The following PMM2 variants were observed in gnomAD, a reference collection of about 807,000 sequenced individuals.
PMM2 encodes phosphomannomutase 2.
PMM2 carries 35 observed loss-of-function variants against 33.2 expected under a neutral mutation model. That is an observed-to-expected ratio of 1.06 (90% CI 0.81 to 1.40). The LOEUF (loss-of-function observed/expected upper bound fraction) is 1.40. Among genes scored for constraint, PMM2 ranks in the 40% most tolerant of loss-of-function variants. PMM2 has a pLI of 0.00. For missense variants in PMM2, 386 were observed against 306.0 expected, an observed-to-expected ratio of 1.26 and a Z score of -1.95; for synonymous variants, 153 against 114.7, an observed-to-expected ratio of 1.33 and a Z score of -2.13.
chr16:8,805,422 C>T (rs1027195732), intron 3 of PMM2, among the ~76,000 whole-genome samples: 2 of 152,148 alleles, frequency 1.3e-5, no homozygotes, highest in South Asian at 2.1e-4. Context: ...GGCTGGAGTG[C>T]AGTGGTGCAA....
chr16:8,812,919 GT>G (rs2060685362), intron 6 of PMM2, 71 bp from the exon 7 acceptor site: 4 of 882,412 alleles, frequency 4.5e-6, no homozygotes, highest in African/African-American at 1.6e-5. Flanking sequence ...AGAGTAAATT[GT>G]TTTTTTCAGT....
chr16:8,839,813 A>C (rs2060877176), intron 7 of PMM2, among the ~76,000 whole-genome samples: 2 of 151,720 alleles, frequency 1.3e-5, no homozygotes, highest in South Asian at 2.1e-4. Flanking sequence ...GCCGAGAGAT[A>C]CATATAGGAG....
intron 7 of PMM2, among the ~76,000 whole-genome samples, chr16:8,836,470 C>T (rs1029683319): frequency 8.5e-5 from 13 of 152,084 alleles, no homozygotes; most frequent in South Asian, 4.2e-4. Context: ...ATTTCCAGCA[C>T]GTGTAGCAAG....
chr16:8,808,691 GAGA>G (rs568914033), intron 4 of PMM2: 3 of 152,244 alleles, frequency 2.0e-5, no homozygotes, highest in Non-Finnish European at 2.9e-5. Context: ...CCTTGGAAAT[GAGA>G]AGAAGAATAT....
At chr16:8,800,829 G>A (rs1366239956) in intron 1 of PMM2, among the ~76,000 whole-genome samples, 2 of 152,052 alleles carry the variant, frequency 1.3e-5, no homozygotes, top group South Asian at 2.1e-4. Flanking sequence ...GACTACAGGC[G>A]CCCACCAGCG....
chr16:8,844,527 G>C (rs1210576927), intron 7 of PMM2, among the ~76,000 whole-genome samples: 1 of 152,160 alleles, frequency 6.6e-6, no homozygotes, highest in African/African-American at 2.4e-5. Flanking sequence ...AAGGGGTAGA[G>C]ACACGGAAAG....
At chr16:8,847,654 C>T (rs997453915) in intron 7 of PMM2, 70 bp from the exon 8 acceptor site, 9 of 1,167,056 alleles carry the variant, frequency 7.7e-6, no homozygotes, top group Non-Finnish European at 1.2e-5. Flanking sequence ...CTTTTGGACT[C>T]CAGGGTCACA....
At chr16:8,831,599 C>T (rs1403762763) in intron 7 of PMM2, among the ~76,000 whole-genome samples, 1 of 152,214 alleles carries the variant, frequency 6.6e-6, no homozygotes, top group African/African-American at 2.4e-5. Context: ...GAGGCATCCA[C>T]ACAGCACACA....
At chr16:8,830,163 G>A (rs1017822319) in intron 7 of PMM2, among the ~76,000 whole-genome samples, 1 of 152,192 alleles carries the variant, frequency 6.6e-6, no homozygotes, top group Non-Finnish European at 1.5e-5. Context: ...GCCCCCAGTC[G>A]AAGAGAACTA....
At chr16:8,832,781 A>G in intron 7 of PMM2, 1 of 985,190 alleles carries the variant, frequency 1.0e-6, no homozygotes, top group African/African-American at 1.7e-5. Context: ...ACAATCTGTG[A>G]GGCCCGCTGT....
At chr16:8,811,773 G>C in intron 6 of PMM2, 60 bp downstream of exon 6, 1 of 1,120,466 alleles carries the variant, frequency 8.9e-7, no homozygotes, top group Non-Finnish European at 1.4e-6. Flanking sequence ...GTTTGTTGTG[G>C]GCCAGTGAGC....
intron 7 of PMM2, among the ~76,000 whole-genome samples, chr16:8,830,963 A>G (rs1043347221): frequency 6.6e-6 from 1 of 150,658 alleles, no homozygotes; most frequent in Non-Finnish European, 1.5e-5. Flanking sequence ...ACAGGGTGAA[A>G]CCCCGCCTCT....
intron 4 of PMM2, chr16:8,809,328 CTT>C (rs893372715): frequency 1.3e-5 from 2 of 152,238 alleles, no homozygotes; most frequent in Non-Finnish European, 2.9e-5. Context: ...CTGGAAGACA[CTT>C]TTCACTGCAT....
chr16:8,848,195 G>A lies in PMM2; in HGVS notation c.*370G>A, dbSNP rs1048111601. On this transcript the variant is annotated 3_prime_UTR_variant, in exon 8 of 8. Transcript: ENST00000268261. ...CTGGACCCTCCCTCTTGGTGGGTCT[G>A]TGGAAACATAAGCGGTTTTTTTAAT... 1 of 259,540 alleles carries A rather than the reference G, an allele frequency of 3.9e-6. No individual in the cohort carries two copies. Among genetic ancestry groups the A allele is most frequent in the East Asian group, 9.5e-5 (1 of 10,510 alleles). 16.1% of individuals were successfully genotyped at this position (259,540 alleles called of 1,614,324 possible).
chr16:8,815,693 T>G (rs1289343451), intron 7 of PMM2, among the ~76,000 whole-genome samples: 2 of 152,104 alleles, frequency 1.3e-5, no homozygotes, highest in African/African-American at 4.8e-5. Flanking sequence ...GATTAAAGAC[T>G]TAAACACAGG....
intron 7 of PMM2, among the ~76,000 whole-genome samples, chr16:8,845,847 T>G (rs2060922339): frequency 6.6e-6 from 1 of 151,926 alleles, no homozygotes; most frequent in African/African-American, 2.4e-5. Context: ...CTTGGCACTG[T>G]TGGACACAGT....
intron 7 of PMM2, among the ~76,000 whole-genome samples, chr16:8,830,359 C>CT (rs1348161596): frequency 6.6e-6 from 1 of 152,208 alleles, no homozygotes; most frequent in Non-Finnish European, 1.5e-5. Flanking sequence ...TTGCAATAGA[C>CT]TAATTCACAC....
chr16:8,813,291 G>T (rs572113417), intron 7 of PMM2, among the ~76,000 whole-genome samples, 185 bp downstream of exon 7: 2 of 152,250 alleles, frequency 1.3e-5, no homozygotes, highest in South Asian at 4.1e-4. Context: ...GACCCCCGAC[G>T]CCTCTGTGGA....
rs1339004837 is a variant in PMM2 at position 8,804,777 on chromosome 16, AT to A, written c.190del (p.Tyr64ThrfsTer11). On this transcript the variant is annotated frameshift_variant, in exon 3 of 8. Transcript: ENST00000268261. LOFTEE classifies it high-confidence loss of function. ...EQLGNDVVEKYDYVFPENGLV... is the reference protein window; with the variant it reads ...EQLGNDVVEKXDYVFPENGLV... ...TGGTTTTGATTGTAGTGGTTGAAAA[AT>A]ACGATTATGTGTTTCCAGAAAATGG... 2 of 1,612,642 alleles carry A rather than the reference AT, an allele frequency of 1.2e-6. No individual in the cohort carries two copies. The highest frequency in any genetic ancestry group is 1.7e-5 in the Admixed American group (1 of 60,018).
Sources: gnomAD v4.1 joint callset for allele counts (sites outside exome capture counted in the v4.1 genomes callset) on GRCh38, gnomAD v4.1.1 for gene constraint, MANE v1.5 for transcripts, NCBI Gene and HGNC (gene_info 2026-07-23, HGNC 2026-07-21) for gene names.